CDC42EP1: variants seen among roughly 807,000 people sequenced by gnomAD.
The protein encoded by CDC42EP1 is 55 kDa bone marrow stromal/endothelial cell protein.
A neutral mutation model predicts 7.4 loss-of-function variants in CDC42EP1; 6 were observed. The ratio of observed to expected loss-of-function variants is 0.81; its 90% confidence interval spans 0.44 to 1.60. CDC42EP1 has a LOEUF of 1.60. CDC42EP1 is among the 40% of genes most tolerant of loss of function. The probability of loss-of-function intolerance (pLI) is 0.01; values close to 1 mark genes in which losing one functional copy is unlikely to be tolerated. For missense variants in CDC42EP1, 567 were observed against 539.0 expected, an observed-to-expected ratio of 1.05 and a Z score of -0.51; for synonymous variants, 238 against 227.1, an observed-to-expected ratio of 1.05 and a Z score of -0.43.
At chr22:37,562,000 G>A (rs1305554541) in intron 1 of CDC42EP1, among the ~76,000 whole-genome samples, 2 of 152,158 alleles carry the variant, frequency 1.3e-5, no homozygotes, top group Admixed American at 6.5e-5. Flanking sequence ...TCCTCTATAG[G>A]GTAAATATAA....
In CDC42EP1 at chr22:37,566,669, C is replaced by T. The variant is rs571270968; in HGVS notation, c.320C>T (p.Pro107Leu). ...RRMASPPAPS[P>L]APPAISPIIK... Reference sequence around the variant, plus strand: ...ATGGCATCTCCCCCTGCACCCTCCCCGGCTCCACCGGCCATCTCCCCCATC... The same window carrying T: ...ATGGCATCTCCCCCTGCACCCTCCCTGGCTCCACCGGCCATCTCCCCCATC... Residue 107 changes from proline to leucine, a missense_variant, in exon 2 of 3, where the codon CCG becomes CTG. Transcript: ENST00000249014. The surrounding 1 kb of genome is among the most constrained non-coding windows in gnomAD (Gnocchi z 6.4). The T allele has an allele frequency of 2.2e-5, 36 of 1,607,756 alleles. No individual in the cohort carries two copies. Among genetic ancestry groups the T allele is most frequent in the Admixed American group, 5.1e-5 (3 of 59,384 alleles).
Position 37,568,799 on chromosome 22 carries a change from G to C in CDC42EP1, c.1155G>C (p.Glu385Asp). The C allele has an allele frequency of 1.3e-6, 2 of 1,495,654 alleles. No individual in the cohort carries two copies. Among genetic ancestry groups the C allele is most frequent in the South Asian group, 2.8e-5 (2 of 71,366 alleles). The allele number at this position is 1,495,654 out of a possible 1,614,324, so 92.6% of individuals were successfully genotyped here. A position where few individuals can be genotyped will look rare whatever the true frequency, so the allele number is the denominator to read the frequency against. ...ANTFEFADAEEDDEVKV is the reference protein window; with the variant it reads ...ANTFEFADAEDDDEVKV ...CCTTTGAATTTGCGGATGCTGAGGA[G>C]GATGATGAGGTCAAGGTGTGAGGGG... Residue 385 changes from glutamate (E) to aspartate (D), a missense_variant, in exon 3 of 3, where the codon GAG becomes GAC. Glu to Asp is a conservative substitution (Grantham distance 45). Coordinates refer to ENST00000249014, the MANE Select transcript of CDC42EP1 (RefSeq NM_152243.3).
Position 37,568,573 on chromosome 22 carries a change from G to C in CDC42EP1, c.929G>C (p.Arg310Pro), listed in dbSNP as rs2281099. 2 of 1,603,914 alleles carry C rather than the reference G, an allele frequency of 1.2e-6. No individual in the cohort carries two copies. Among genetic ancestry groups the C allele is most frequent in the South Asian group, 2.2e-5 (2 of 89,678 alleles). Residue 310 changes from arginine (R) to proline (P), a missense_variant, in exon 3 of 3, where the codon CGA becomes CCA. By Grantham distance (103) the Arg-to-Pro change is moderately radical. Transcript: ENST00000249014. ...TCCAGCCCAGTGGGAGGGGGTCCCCGAGGACCTGCTGGCCCTGCCCTCGGC... is the reference window on the plus strand; with the variant it reads ...TCCAGCCCAGTGGGAGGGGGTCCCCCAGGACCTGCTGGCCCTGCCCTCGGC... The part of the protein sequence containing the change: ...VKSSPVGGGP[R>P]GPAGPALGRH...
At chr22:37,565,430 A>G (rs1315226550) in intron 1 of CDC42EP1, among the ~76,000 whole-genome samples, 4 of 151,208 alleles carry the variant, frequency 2.6e-5, no homozygotes, top group African/African-American at 9.7e-5. Context: ...GAGTGCTTCT[A>G]TTTTTTCCTG....
At position 37,568,381 on chromosome 22, in the gene CDC42EP1, C is replaced by T. The variant is rs761921446; in HGVS notation, c.737C>T (p.Pro246Leu). The T allele has an allele frequency of 6.7e-7, 1 of 1,484,388 alleles. No homozygotes were observed. Among genetic ancestry groups the T allele is most frequent in the East Asian group, 2.3e-5 (1 of 43,012 alleles). 92.0% of individuals were successfully genotyped at this position (1,484,388 alleles called of 1,614,324 possible). A position where few individuals can be genotyped will look rare whatever the true frequency, so the allele number is the denominator to read the frequency against. ...ANPTGPAANP[P>L]ATTANPPAPA... ...CCCACGGGTCCTGCTGCAAACCCCCCAGCCACTACTGCAAACCCCCCAGCG... is the reference window on the plus strand; with the variant it reads ...CCCACGGGTCCTGCTGCAAACCCCCTAGCCACTACTGCAAACCCCCCAGCG... The change falls in exon 3 of 3, where the codon CCA (proline) becomes CTA (leucine). Residue 246 changes from proline to leucine, a missense_variant. Physicochemically the swap from Pro to Leu is moderately conservative, Grantham distance 98. Transcript: ENST00000249014.
Position 37,568,841 on chromosome 22 carries a change from G to C in CDC42EP1, c.*21G>C. The C allele has an allele frequency of 6.9e-7, 1 of 1,438,956 alleles. No homozygotes were observed. The highest frequency in any genetic ancestry group is 9.2e-7 in the Non-Finnish European group (1 of 1,089,762). 89.1% of individuals were successfully genotyped at this position (1,438,956 alleles called of 1,614,324 possible). ...TGTGAGGGGCTGGGGCACGGTCCCA[G>C]GGCCCCACCTAGGTGCAGAGCCGGC... On this transcript the variant is annotated 3_prime_UTR_variant, in exon 3 of 3. Coordinates refer to ENST00000249014, the MANE Select transcript of CDC42EP1 (RefSeq NM_152243.3).
chr22:37,568,025 C>A, intron 2 of CDC42EP1, 83 bp from the exon 3 acceptor site: 1 of 1,236,398 alleles, frequency 8.1e-7, no homozygotes, highest in South Asian at 1.4e-5. Flanking sequence ...GGCCACACAG[C>A]AAGCCAGGAC....
intron 2 of CDC42EP1, among the ~76,000 whole-genome samples, 187 bp from the exon 3 acceptor site, chr22:37,567,921 G>A (rs955958711): frequency 2.0e-5 from 3 of 152,232 alleles, no homozygotes; most frequent in South Asian, 2.1e-4. Flanking sequence ...TTCAGCTTTC[G>A]GGGTAGACAG....
rs1189391945 is a variant in CDC42EP1 at position 37,566,524 on chromosome 22, G to C, written c.175G>C (p.Gly59Arg). 3.7e-6 allele frequency: 6 copies of C among 1,611,636 alleles called. No individual in the cohort carries two copies. Among genetic ancestry groups the C allele is most frequent in the Admixed American group, 1.7e-5 (1 of 59,822 alleles). The change falls in exon 2 of 3, where the codon GGG becomes CGG. Residue 59 changes from glycine to arginine, a missense_variant. Gly to Arg is a moderately radical substitution (Grantham distance 125, BLOSUM62 -2). Transcript: ENST00000249014. This position sits in a 1 kb window ranked among gnomAD's most constrained non-coding sequence, Gnocchi z 6.4. ...TGTGGGCCGTGGCGGGGATGTCTTC[G>C]GGGACACGTCCTTCCTCAGCAACCA... ...MHVGRGGDVF[G>R]DTSFLSNHGG... is the part of the protein sequence containing the mutation.
intron 1 of CDC42EP1, among the ~76,000 whole-genome samples, chr22:37,560,909 G>A (rs535813384): frequency 6.6e-6 from 1 of 152,106 alleles, no homozygotes; most frequent in East Asian, 1.9e-4. Context: ...GCCTTCCTGC[G>A]CGGGGGAAGG....
At position 37,568,386 on chromosome 22, in the gene CDC42EP1, A is replaced by G. The variant is rs202036105; in HGVS notation, c.742A>G (p.Thr248Ala). 5.9e-6 allele frequency: 6 copies of G among 1,012,828 alleles called. No individual in the cohort carries two copies. Among genetic ancestry groups the G allele is most frequent in the East Asian group, 4.6e-5 (1 of 21,968 alleles). 62.7% of individuals were successfully genotyped at this position (1,012,828 alleles called of 1,614,324 possible). Reference protein sequence around the residue: ...PTGPAANPPATTANPPAPAAN... With the variant: ...PTGPAANPPAATANPPAPAAN... ...GGGTCCTGCTGCAAACCCCCCAGCC[A>G]CTACTGCAAACCCCCCAGCGCCTGC... Residue 248 changes from threonine (T) to alanine (A), a missense_variant, in exon 3 of 3, where the codon ACT becomes GCT. Thr to Ala is a moderately conservative substitution (Grantham distance 58). Transcript: ENST00000249014.
chr22:37,566,319 A>G lies in CDC42EP1; in HGVS notation c.-31A>G. On this transcript the variant is annotated 5_prime_UTR_variant, in exon 2 of 3. It removes an upstream start codon present in the reference 5' UTR. Coordinates refer to ENST00000249014, the MANE Select transcript of CDC42EP1 (RefSeq NM_152243.3). This position sits in a 1 kb window ranked among gnomAD's most constrained non-coding sequence, Gnocchi z 6.4. ...CTCCCTCCCCCGGCCCCTGGTAGGC[A>G]TGGACTAGCAGCTGTGAGCAGCCAG... The G allele has an allele frequency of 1.6e-6, 1 of 607,392 alleles. No individual in the cohort carries two copies. Among genetic ancestry groups the G allele is most frequent in the South Asian group, 2.7e-5 (1 of 36,878 alleles). 37.6% of individuals were successfully genotyped at this position (607,392 alleles called of 1,614,324 possible).
At chr22:37,564,005 C>T (rs1215438944) in intron 1 of CDC42EP1, among the ~76,000 whole-genome samples, 1 of 152,178 alleles carries the variant, frequency 6.6e-6, no homozygotes, top group Non-Finnish European at 1.5e-5. Flanking sequence ...AGTGCATTGC[C>T]GATCTCGGGA....
At chr22:37,567,908 A>AT (rs1925303134) in intron 2 of CDC42EP1, among the ~76,000 whole-genome samples, 200 bp from the exon 3 acceptor site, 1 of 152,112 alleles carries the variant, frequency 6.6e-6, no homozygotes, top group South Asian at 2.1e-4. Flanking sequence ...GATAATGATG[A>AT]TTTTCAGCTT....
chr22:37,560,833 A>C (rs8140986), intron 1 of CDC42EP1, among the ~76,000 whole-genome samples: 60,568 of 151,482 alleles, frequency 0.4, 14,244 homozygotes, highest in African/African-American at 0.66. Flanking sequence ...AGGATCGGAC[A>C]CGGCTGAGCG....
At chr22:37,568,068 G>A in intron 2 of CDC42EP1, 40 bp from the exon 3 acceptor site, 2 of 1,544,436 alleles carry the variant, frequency 1.3e-6, no homozygotes, top group African/African-American at 2.7e-5. Context: ...TTCCTGGTGA[G>A]GGACCCCAGC....
In CDC42EP1 at chr22:37,566,796, C is replaced by T. The variant is rs754990384; in HGVS notation, c.447C>T (p.Asp149=). 1.1e-5 allele frequency: 18 copies of T among 1,565,666 alleles called. No homozygotes were observed. Among genetic ancestry groups the T allele is most frequent in the Middle Eastern group, 3.4e-4 (2 of 5,812 alleles). ...ACAGCAGCCCCACCAGCTCCACGGA[C>T]GGCCACTCCAGCTACGGTGAGGGCC... The part of the protein sequence containing the change: ...SFDSSPTSST[D]GHSSYGLDSG... Residue 149 remains aspartate (D), a synonymous_variant, in exon 2 of 3, where the codon GAC becomes GAT. Transcript: ENST00000249014. This position sits in a 1 kb window ranked among gnomAD's most constrained non-coding sequence, Gnocchi z 6.4.
rs1290151595 is a variant in CDC42EP1 at position 37,568,599 on chromosome 22, A to C, written c.955A>C (p.Arg319=). ...PRGPAGPALG[R]HWGAGWDGGH... is the part of the protein sequence containing the mutation. The stretch of plus-strand genomic sequence containing the variant: ...AGGACCTGCTGGCCCTGCCCTCGGC[A>C]GGCACTGGGGAGCAGGCTGGGATGG... The change falls in exon 3 of 3, where the codon AGG becomes CGG. Residue 319 remains arginine, a synonymous_variant. Transcript: ENST00000249014. 4.4e-6 allele frequency: 7 copies of C among 1,598,358 alleles called. No individual in the cohort carries two copies. The highest frequency in any genetic ancestry group is 2.6e-6 in the Non-Finnish European group (3 of 1,173,030).
intron 1 of CDC42EP1, chr22:37,565,640 T>A (rs1456444137): frequency 6.8e-6 from 1 of 147,054 alleles, no homozygotes; most frequent in Non-Finnish European, 1.5e-5. Context: ...AGTGCCGTGA[T>A]GTGATCTTGG....
Sources: allele counts gnomAD v4.1 joint callset (sites outside exome capture counted in the v4.1 genomes callset), GRCh38; gene constraint gnomAD v4.1.1; non-coding constraint Gnocchi (gnomAD v3.1); transcripts MANE v1.5; gene names NCBI Gene and HGNC (gene_info 2026-07-23, HGNC 2026-07-21).